ADAMTS20: variants seen among roughly 807,000 people sequenced by gnomAD.
ADAMTS20 encodes the protein ADAM metallopeptidase with thrombospondin type 1 motif 20, also known as A disintegrin and metalloproteinase with thrombospondin motifs 20.
Under a neutral mutation model 260.1 loss-of-function variants are expected in ADAMTS20, and 225 were observed. The observed-to-expected ratio is 0.87, with a 90% CI of 0.78 to 0.97. The LOEUF is 0.97. Among genes scored for constraint, ADAMTS20 ranks in the 50% least tolerant of loss-of-function variants. The probability of loss-of-function intolerance (pLI) is 0.00; values close to 1 mark genes in which losing one functional copy is unlikely to be tolerated. For synonymous variants in ADAMTS20, 802 were observed against 769.5 expected (o/e 1.04, Z -0.70); for missense variants, 2,400 against 2,337.7 (o/e 1.03, Z -0.55).
chr12:43,409,600 T>A (rs1940988972), intron 28 of ADAMTS20, among the ~76,000 whole-genome samples: 1 of 8,828 alleles, frequency 1.1e-4, no homozygotes, highest in Non-Finnish European at 1.6e-4. Flanking sequence ...AGACTCCGTC[T>A]CAAAAAAAAA....
intron 22 of ADAMTS20, 115 bp from the exon 23 acceptor site, chr12:43,430,586 C>G: frequency 5.2e-6 from 5 of 970,584 alleles, no homozygotes; most frequent in Non-Finnish European, 7.0e-6. Context: ...TTTTATCAAT[C>G]CTTTATACTA....
intron 28 of ADAMTS20, among the ~76,000 whole-genome samples, chr12:43,418,402 C>G (rs1941171216): frequency 6.6e-6 from 1 of 152,174 alleles, no homozygotes; most frequent in African/African-American, 2.4e-5. Flanking sequence ...CTCCGCCTCC[C>G]AGGTTCAAGC....
intron 7 of ADAMTS20, among the ~76,000 whole-genome samples, chr12:43,489,804 A>T (rs1361269601): frequency 6.6e-6 from 1 of 152,030 alleles, no homozygotes; most frequent in African/African-American, 2.4e-5. Flanking sequence ...CTAATATGAT[A>T]TAGATATATA....
chr12:43,399,428 T>C (rs1940766833), intron 28 of ADAMTS20, among the ~76,000 whole-genome samples, 195 bp from the exon 29 acceptor site: 1 of 152,158 alleles, frequency 6.6e-6, no homozygotes, highest in Non-Finnish European at 1.5e-5. Flanking sequence ...GTGAATATCA[T>C]AAGGTAATAT....
chr12:43,471,133 C>T (rs1592086202), intron 7 of ADAMTS20, among the ~76,000 whole-genome samples: 1 of 152,036 alleles, frequency 6.6e-6, no homozygotes, highest in African/African-American at 2.4e-5. Flanking sequence ...GTGCACGCAC[C>T]GTGCGAGAGC....
In ADAMTS20 at chr12:43,383,902, C is replaced by A. The variant is rs1451569118; in HGVS notation, c.4528G>T (p.Glu1510Ter). The A allele has an allele frequency of 6.2e-7, 1 of 1,613,830 alleles. No homozygotes were observed. Among genetic ancestry groups the A allele is most frequent in the Non-Finnish European group, 8.5e-7 (1 of 1,179,876 alleles). Residue 1510 changes from glutamate to a stop codon, truncating the protein, a stop_gained, in exon 30 of 39, where the codon GAA becomes TAA. Coordinates refer to ENST00000389420, the MANE Select transcript of ADAMTS20 (RefSeq NM_025003.5). LOFTEE classifies it high-confidence loss of function. ...CRLKGVGQVV[E>*]EMCDQSTRPC... Reference sequence around the variant, plus strand: ...CGGGTGGACTGATCACACATTTCTTCAACCACCTGACCAACACCTTTCAGT... The same window carrying A: ...CGGGTGGACTGATCACACATTTCTTAAACCACCTGACCAACACCTTTCAGT...
chr12:43,381,780 CAAAAA>C (rs765135656), intron 31 of ADAMTS20, among the ~76,000 whole-genome samples: 1 of 34,518 alleles, frequency 2.9e-5, no homozygotes, highest in Non-Finnish European at 5.1e-5. Context: ...GACTGCATCT[CAAAAA>C]AAAAAAAAAA....
chr12:43,475,592 C>T (rs376729454), intron 7 of ADAMTS20, among the ~76,000 whole-genome samples: 4 of 152,082 alleles, frequency 2.6e-5, no homozygotes, highest in Admixed American at 6.5e-5. Context: ...GACTTCAAAC[C>T]ATACTACAAG....
In ADAMTS20 at chr12:43,435,120, C is replaced by A. The variant is rs1000789965; in HGVS notation, c.2594-749G>T. On this transcript the variant is annotated intron_variant, in intron 18 of 38. Coordinates refer to ENST00000389420, the MANE Select transcript of ADAMTS20 (RefSeq NM_025003.5). ...TGAATACATGTCACTATACGTTTGTCAAACCATAGAATTTACAACACAAAT... is the reference window on the plus strand; with the variant it reads ...TGAATACATGTCACTATACGTTTGTAAAACCATAGAATTTACAACACAAAT... Among the ~76,000 whole-genome samples the A allele has an allele frequency of 3.3e-5, 5 of 152,258 alleles. No individual in the cohort carries two copies. In the East Asian group the frequency reaches 5.8e-4, roughly 18 times the overall value.
intron 3 of ADAMTS20, among the ~76,000 whole-genome samples, chr12:43,526,468 T>A (rs571559606): frequency 7.7e-4 from 117 of 151,090 alleles, no homozygotes; most frequent in Middle Eastern, 3.4e-3. Flanking sequence ...AAAAAAAAAA[T>A]AGGAATCATA....
intron 8 of ADAMTS20, among the ~76,000 whole-genome samples, chr12:43,468,004 G>T (rs1942186292): frequency 6.6e-6 from 1 of 152,062 alleles, no homozygotes; most frequent in African/African-American, 2.4e-5. Flanking sequence ...TTCCATGGGA[G>T]CTCCAAGGGT....
At chr12:43,425,243 TG>T (rs1354875497) in intron 28 of ADAMTS20, among the ~76,000 whole-genome samples, 1 of 151,644 alleles carries the variant, frequency 6.6e-6, no homozygotes, top group Non-Finnish European at 1.5e-5. Flanking sequence ...AACAACACAC[TG>T]GGGCCTGTTG....
At chr12:43,409,773 G>T (rs118059666) in intron 28 of ADAMTS20, among the ~76,000 whole-genome samples, 2,984 of 152,082 alleles carry the variant, frequency 0.02, 39 homozygotes, top group Non-Finnish European at 0.032. Flanking sequence ...CCTACAGAAA[G>T]AATGTATAGC....
intron 31 of ADAMTS20, among the ~76,000 whole-genome samples, chr12:43,379,531 A>G (rs577741401): frequency 7.2e-5 from 11 of 152,144 alleles, no homozygotes; most frequent in Non-Finnish European, 1.3e-4. Flanking sequence ...GTTGTCAACA[A>G]CCTGATGAGT....
intron 3 of ADAMTS20, among the ~76,000 whole-genome samples, chr12:43,526,324 G>A (rs1943142142): frequency 6.6e-6 from 1 of 152,118 alleles, no homozygotes. Flanking sequence ...CAGGCGTGGT[G>A]GCGGGCACCT....
At chr12:43,358,709 C>T (rs570288063) in intron 37 of ADAMTS20, among the ~76,000 whole-genome samples, 20 of 150,454 alleles carry the variant, frequency 1.3e-4, no homozygotes, top group South Asian at 2.1e-4. Context: ...TGGTGGCGCG[C>T]GCCTGTAGTC....
chr12:43,423,084 A>T (rs1475077576), intron 28 of ADAMTS20: 1 of 152,084 alleles, frequency 6.6e-6, no homozygotes, highest in Non-Finnish European at 1.5e-5. Context: ...AAATCTAAGT[A>T]CCTTTTTATG....
downstream of ADAMTS20, among the ~76,000 whole-genome samples, chr12:43,353,399 T>C (rs1939674919): frequency 2.0e-5 from 3 of 151,892 alleles, no homozygotes; most frequent in African/African-American, 7.2e-5. Context: ...AAATAGATTT[T>C]TAAAGAATAT....
At chr12:43,481,116 C>A (rs530086988) in intron 7 of ADAMTS20, among the ~76,000 whole-genome samples, 2 of 152,144 alleles carry the variant, frequency 1.3e-5, no homozygotes, top group South Asian at 4.1e-4. Context: ...TTTTAAAATT[C>A]TATGGAATTC....
Sources: gnomAD v4.1 joint callset for allele counts (sites outside exome capture counted in the v4.1 genomes callset) on GRCh38, gnomAD v4.1.1 for gene constraint, MANE v1.5 for transcripts, NCBI Gene and HGNC (gene_info 2026-07-23, HGNC 2026-07-21) for gene names.